Variants in NBEA observed in about 807,000 individuals in gnomAD.
NBEA encodes the protein lysosomal-trafficking regulator 2.
Under a neutral mutation model 343.4 loss-of-function variants are expected in NBEA, and 44 were observed. That is an observed-to-expected ratio of 0.13 (90% confidence interval 0.10 to 0.16). The LOEUF is 0.16. NBEA is among the 10% of genes least tolerant of loss of function. The pLI is 1.00. For missense variants in NBEA, 2,555 were observed against 3,631.3 expected (o/e 0.70, Z 7.62); for synonymous variants, 1,175 against 1,238.7 (o/e 0.95, Z 1.08).
At chr13:35,646,034 A>C in intron 50 of NBEA, 103 bp downstream of exon 50, 1 of 788,924 alleles carries the variant, frequency 1.3e-6, no homozygotes, top group Non-Finnish European at 2.0e-6. Context: ...TTCTGGGAAT[A>C]AGAATAGTGA....
chr13:35,286,602 C>G (rs773946961), intron 34 of NBEA, among the ~76,000 whole-genome samples: 65 of 152,140 alleles, frequency 4.3e-4, no homozygotes, highest in Non-Finnish European at 8.1e-4. Context: ...AAAAGTTAGA[C>G]CCGCAGATTG....
In NBEA at chr13:35,558,009, A is replaced by AT. The variant is rs528448382; in HGVS notation, c.6922+2907_6922+2908insT. Among the ~76,000 whole-genome samples, 309 of 152,298 alleles carry AT rather than the reference A, an allele frequency of 2.0e-3. 1 individual carries two copies. The highest frequency in any genetic ancestry group is 7.0e-3 in the African/African-American group (289 of 41,572). On this transcript the variant is annotated intron_variant, in intron 44 of 58. Transcript: ENST00000379939. ...AGGAGTCAGTATAGTGTTAGAGTAG[A>AT]AGGGAATGCGATGTGGAGTTTTAGA...
intron 37 of NBEA, among the ~76,000 whole-genome samples, chr13:35,349,525 G>A (rs1171508954): frequency 6.6e-6 from 1 of 151,968 alleles, no homozygotes; most frequent in Non-Finnish European, 1.5e-5. Context: ...TTTTAAGCTA[G>A]CAGAGATTTA....
intron 45 of NBEA, among the ~76,000 whole-genome samples, chr13:35,577,598 TTC>T (rs2080805318): frequency 6.6e-6 from 1 of 152,076 alleles, no homozygotes; most frequent in East Asian, 1.9e-4. Flanking sequence ...TGTTATGTCT[TTC>T]GATTTTTGCA....
chr13:35,401,915 A>C (rs2043020040), intron 38 of NBEA, among the ~76,000 whole-genome samples: 1 of 152,030 alleles, frequency 6.6e-6, no homozygotes, highest in Non-Finnish European at 1.5e-5. Flanking sequence ...TGAAAGAGGA[A>C]ATAATGAAAT....
chr13:35,658,290 T>C (rs2084915260), intron 55 of NBEA, among the ~76,000 whole-genome samples: 1 of 128,694 alleles, frequency 7.8e-6, no homozygotes, highest in African/African-American at 2.6e-5. Flanking sequence ...AGTGAAAAGC[T>C]GTTGTCATCA....
At chr13:35,634,242 C>T (rs1036733017) in intron 49 of NBEA, among the ~76,000 whole-genome samples, 6 of 152,058 alleles carry the variant, frequency 3.9e-5, no homozygotes, top group Non-Finnish European at 8.8e-5. Context: ...ACTCGGGAGG[C>T]TGAGGCAGGA....
At position 35,671,167 on chromosome 13, in the gene NBEA, C is replaced by T. The variant is rs548639231; in HGVS notation, c.*176C>T. On this transcript the variant is annotated 3_prime_UTR_variant, in exon 59 of 59. Coordinates refer to ENST00000379939, the MANE Select transcript of NBEA (RefSeq NM_001385012.1). The stretch of plus-strand genomic sequence containing the variant: ...CCATTTTACTTTGTGTGTTTTTTCA[C>T]GACTGAACACCAGCTGCTATCAAGC... 3.5e-5 allele frequency: 19 copies of T among 549,362 alleles called. No homozygotes were observed. Among genetic ancestry groups the T allele is most frequent in the Admixed American group, 1.2e-4 (4 of 32,832 alleles). The allele number at this position is 549,362 out of a possible 1,614,324, so 34.0% of individuals were successfully genotyped here.
At chr13:35,570,040 T>G (rs1257901796) in intron 45 of NBEA, among the ~76,000 whole-genome samples, 1 of 152,226 alleles carries the variant, frequency 6.6e-6, no homozygotes, top group Non-Finnish European at 1.5e-5. Context: ...GTTTGTTTGC[T>G]TGCTTGCTTT....
chr13:34,994,067 G>A (rs920233917), intron 1 of NBEA, among the ~76,000 whole-genome samples: 3 of 151,410 alleles, frequency 2.0e-5, no homozygotes, highest in African/African-American at 7.3e-5. Context: ...GTGTGATGGT[G>A]GGTGCCTGAA....
At position 35,182,364 on chromosome 13, in the gene NBEA, A is replaced by G; in HGVS notation, c.4667A>G (p.Asp1556Gly). ...LRAVVFRDVD[D>G]SKQAQFLALA... ...CTGTCTTTTCATTTTTCATAGGATG[A>G]TAGCAAACAAGCACAGTTCTTAGCT... Residue 1556 changes from aspartate to glycine, a missense_variant, in exon 29 of 59, where the codon GAT (aspartate) becomes GGT (glycine). This residue lies in a region of NBEA where 168 missense variants were observed against 193.0 expected (regional missense o/e 0.87). Coordinates refer to ENST00000379939, the MANE Select transcript of NBEA (RefSeq NM_001385012.1). 1 of 1,598,774 alleles carries G rather than the reference A, an allele frequency of 6.3e-7. No homozygotes were observed. Among genetic ancestry groups the G allele is most frequent in the Non-Finnish European group, 8.5e-7 (1 of 1,174,742 alleles).
chr13:35,054,336 C>G (rs1274972828), intron 6 of NBEA, among the ~76,000 whole-genome samples: 5 of 152,064 alleles, frequency 3.3e-5, no homozygotes, highest in Non-Finnish European at 7.4e-5. Flanking sequence ...TTATTTGACA[C>G]TCTTTTTACG....
At chr13:35,566,804 A>T (rs1347078575) in intron 44 of NBEA, 101 bp from the exon 45 acceptor site, 2 of 636,238 alleles carry the variant, frequency 3.1e-6, no homozygotes, top group East Asian at 2.7e-5. Context: ...ATAAATAAAA[A>T]GTTATTTTCT....
intron 46 of NBEA, among the ~76,000 whole-genome samples, chr13:35,587,842 G>C (rs143260188): frequency 6.3e-4 from 96 of 152,218 alleles, no homozygotes; most frequent in Non-Finnish European, 1.1e-3. Flanking sequence ...GGGTATGCCA[G>C]AATATTCTGC....
intron 1 of NBEA, among the ~76,000 whole-genome samples, chr13:34,967,341 C>T (rs2059855099): frequency 6.7e-6 from 1 of 150,294 alleles, no homozygotes; most frequent in South Asian, 2.1e-4. Flanking sequence ...CTATTTTTTT[C>T]TTTTACCTTT....
chr13:35,073,768 C>T (rs549028978), intron 10 of NBEA, among the ~76,000 whole-genome samples: 2 of 151,956 alleles, frequency 1.3e-5, no homozygotes, highest in Non-Finnish European at 2.9e-5. Context: ...GACAAAACCT[C>T]GTTTCTACAA....
At chr13:35,016,587 TATACACACAC>T (rs1377799402) in intron 1 of NBEA, among the ~76,000 whole-genome samples, 1 of 49,036 alleles carries the variant, frequency 2.0e-5, no homozygotes, top group African/African-American at 5.3e-5. Context: ...CTTGTATGTG[TATACACACAC>T]ACACACACAC....
intron 1 of NBEA, among the ~76,000 whole-genome samples, chr13:34,971,031 G>T (rs2059981203): frequency 1.3e-5 from 2 of 152,138 alleles, no homozygotes; most frequent in East Asian, 3.9e-4. Flanking sequence ...CTATTTGTTT[G>T]TGTCATCTCT....
chr13:35,391,306 G>A (rs763624779), intron 38 of NBEA, among the ~76,000 whole-genome samples: 23 of 151,560 alleles, frequency 1.5e-4, no homozygotes, highest in South Asian at 1.0e-3. Context: ...GAAGAAGAGG[G>A]CCATATAGCT....
Sources: gnomAD v4.1 joint callset for allele counts (sites outside exome capture counted in the v4.1 genomes callset) on GRCh38, gnomAD v4.1.1 for gene constraint, gnomAD v4.1.1 regional missense constraint, MANE v1.5 for transcripts, NCBI Gene and HGNC (gene_info 2026-07-23, HGNC 2026-07-21) for gene names.